The following GATC variants were observed in gnomAD, a reference collection of about 807,000 sequenced individuals.
GATC encodes the protein glutamyl-tRNA amidotransferase subunit C.
Under a neutral mutation model 14.4 loss-of-function variants are expected in GATC, and 11 were observed. The ratio of observed to expected loss-of-function variants is 0.77; its 90% CI spans 0.48 to 1.27. GATC has a LOEUF of 1.27. Ranked by LOEUF, GATC falls within the 50% of genes most tolerant of loss-of-function variation. The pLI, the probability that GATC is intolerant of heterozygous loss-of-function variation, is 0.00. For missense variants in GATC, 204 were observed against 183.0 expected (o/e 1.11, Z -0.66); for synonymous variants, 76 against 79.3 (o/e 0.96, Z 0.22).
In GATC at chr12:120,462,335, A is replaced by C; in HGVS notation, c.*2376A>C. On this transcript the variant is annotated 3_prime_UTR_variant, in exon 4 of 4. Coordinates refer to ENST00000551765, the MANE Select transcript of GATC (RefSeq NM_176818.3). ...ATAACATTATGAGGTAGGTACTCTT[A>C]CTATCCCATTTCAAGAATGAAGAAA... 1.8e-6 allele frequency: 1 copy of C among 561,242 alleles called. No homozygotes were observed. The highest frequency in any genetic ancestry group is 2.9e-6 in the Non-Finnish European group (1 of 344,424). The allele number at this position is 561,242 out of a possible 1,614,324, so 34.8% of individuals were successfully genotyped here. A position where few individuals can be genotyped will look rare whatever the true frequency, so the allele number is the denominator to read the frequency against.
chr12:120,448,642 CTTTTTT>C (rs71451885), intron 2 of GATC, among the ~76,000 whole-genome samples: 4 of 87,466 alleles, frequency 4.6e-5, no homozygotes, highest in African/African-American at 1.0e-4. Flanking sequence ...AAGTCCATTC[CTTTTTT>C]TTTTTTTTTT....
chr12:120,455,066 T>C (rs1300665361), intron 2 of GATC: 1 of 405,746 alleles, frequency 2.5e-6, no homozygotes, highest in South Asian at 1.7e-5. Context: ...TTTTATATTT[T>C]TAGTAGAGAC....
intron 2 of GATC, among the ~76,000 whole-genome samples, chr12:120,456,242 T>C (rs901690156): frequency 2.6e-5 from 4 of 152,202 alleles, no homozygotes; most frequent in Non-Finnish European, 4.4e-5. Context: ...GTTCAAGCTC[T>C]TGTGTGTTTT....
At chr12:120,452,277 G>A (rs753914765) in intron 2 of GATC, among the ~76,000 whole-genome samples, 4 of 152,134 alleles carry the variant, frequency 2.6e-5, no homozygotes, top group Non-Finnish European at 5.9e-5. Context: ...TATATAATGT[G>A]CCCAAAGTTT....
intron 2 of GATC, among the ~76,000 whole-genome samples, chr12:120,452,222 G>A (rs1878070746): frequency 6.6e-6 from 1 of 151,996 alleles, no homozygotes; most frequent in Non-Finnish European, 1.5e-5. Context: ...GTCAATACAA[G>A]TTATCTATTT....
chr12:120,455,445 A>G (rs1878157762), intron 2 of GATC, among the ~76,000 whole-genome samples: 1 of 152,050 alleles, frequency 6.6e-6, no homozygotes, highest in Non-Finnish European at 1.5e-5. Context: ...CTGGGATTAC[A>G]TGCAAGAGCC....
chr12:120,451,762 A>T (rs577992944), intron 2 of GATC, among the ~76,000 whole-genome samples: 1 of 151,946 alleles, frequency 6.6e-6, no homozygotes, highest in South Asian at 2.1e-4. Context: ...ACAAACAAAC[A>T]AAAAACGCCT....
At position 120,462,081 on chromosome 12, in the gene GATC, G is replaced by A. The variant is rs766758485; in HGVS notation, c.*2122G>A. 4 of 1,612,250 alleles carry A rather than the reference G, an allele frequency of 2.5e-6. No homozygotes were observed. Among genetic ancestry groups the A allele is most frequent in the East Asian group, 2.2e-5 (1 of 44,868 alleles). ...CCCCTGCTTTGGTATGGAGAGTCAC[G>A]GCCCCTTGACCCAGACCGAGACCGT... On this transcript the variant is annotated 3_prime_UTR_variant, in exon 4 of 4. Coordinates refer to ENST00000551765, the MANE Select transcript of GATC (RefSeq NM_176818.3).
At chr12:120,456,809 AAG>A (rs781184007) in intron 2 of GATC, among the ~76,000 whole-genome samples, 9 of 152,162 alleles carry the variant, frequency 5.9e-5, no homozygotes, top group Non-Finnish European at 1.2e-4. Context: ...TCCCCACCAA[AAG>A]ACAGTTGCCC....
chr12:120,452,545 A>G (rs1878079855), intron 2 of GATC, among the ~76,000 whole-genome samples: 1 of 151,998 alleles, frequency 6.6e-6, no homozygotes, highest in South Asian at 2.1e-4. Flanking sequence ...GTGTACCCCT[A>G]TGGCCAGCTA....
chr12:120,454,847 TTG>T (rs1343823456), intron 2 of GATC: 2 of 224,134 alleles, frequency 8.9e-6, no homozygotes, highest in Non-Finnish European at 1.9e-5. Context: ...AATACAGTCC[TTG>T]TGTTATTCAA....
chr12:120,454,558 G>A (rs1355886944), intron 2 of GATC, among the ~76,000 whole-genome samples: 2 of 148,654 alleles, frequency 1.3e-5, no homozygotes, highest in Non-Finnish European at 3.0e-5. Context: ...ACAGGCCCCC[G>A]CCACCACGCC....
In GATC at chr12:120,459,865, C is replaced by CAA. The variant is rs763740363; in HGVS notation, c.359-40_359-39dup. 1.2e-5 allele frequency: 18 copies of CAA among 1,512,714 alleles called. No individual in the cohort carries two copies. In the East Asian group the frequency reaches 2.8e-4, roughly 23 times the overall value. The allele number at this position is 1,512,714 out of a possible 1,614,324, so 93.7% of individuals were successfully genotyped here. On this transcript the variant is annotated intron_variant, in intron 3 of 3. Transcript: ENST00000551765. ...GCGAGACTCTGTCTCAAAACAAAAACAAACAAACAAACAAAAATTCTCTTT... is the reference window on the plus strand; with the variant it reads ...GCGAGACTCTGTCTCAAAACAAAAACAAAAACAAACAAACAAAAATTCTCTTT...
intron 2 of GATC, among the ~76,000 whole-genome samples, chr12:120,451,872 A>ATTCTTTTTTTTTT (rs1156749803): frequency 0.022 from 1,951 of 88,018 alleles, 240 homozygotes; most frequent in African/African-American, 0.068. Flanking sequence ...AATTATATAA[A>ATTCTTTTTTTTTT]TTCTTTTTTT....
intron 2 of GATC, among the ~76,000 whole-genome samples, chr12:120,452,381 A>G (rs1256391789): frequency 6.6e-6 from 1 of 152,116 alleles, no homozygotes; most frequent in Non-Finnish European, 1.5e-5. Context: ...TAGGAACTTT[A>G]CTCTCTTTCA....
At chr12:120,459,743 C>A (rs1026664101) in intron 3 of GATC, among the ~76,000 whole-genome samples, 164 bp from the exon 4 acceptor site, 11 of 152,178 alleles carry the variant, frequency 7.2e-5, no homozygotes, top group African/African-American at 2.4e-4. Context: ...GTAGTCCCAG[C>A]TACTCTGGAG....
At position 120,462,177 on chromosome 12, in the gene GATC, A is replaced by G; in HGVS notation, c.*2218A>G. The G allele has an allele frequency of 6.2e-7, 1 of 1,601,290 alleles. No individual in the cohort carries two copies. The highest frequency in any genetic ancestry group is 8.5e-7 in the Non-Finnish European group (1 of 1,174,142). On this transcript the variant is annotated 3_prime_UTR_variant, in exon 4 of 4. Transcript: ENST00000551765. ...GAAGTTTCACCCTGAAATGCAAACA[A>G]AAACAAAAAGAGTAAAGGGGAAAAA...
At chr12:120,449,495 C>T (rs975754756) in intron 2 of GATC, among the ~76,000 whole-genome samples, 8 of 151,522 alleles carry the variant, frequency 5.3e-5, no homozygotes, top group Admixed American at 2.0e-4. Flanking sequence ...CTGTTGCCCA[C>T]GCTGGAGGCA....
chr12:120,452,854 CT>C (rs1878088986), intron 2 of GATC, among the ~76,000 whole-genome samples: 1 of 151,966 alleles, frequency 6.6e-6, no homozygotes, highest in Non-Finnish European at 1.5e-5. Flanking sequence ...GCCACCACCC[CT>C]GGCTAACTTT....
Sources: gnomAD v4.1 joint callset for allele counts (sites outside exome capture counted in the v4.1 genomes callset) on GRCh38, gnomAD v4.1.1 for gene constraint, MANE v1.5 for transcripts, NCBI Gene and HGNC (gene_info 2026-07-23, HGNC 2026-07-21) for gene names.